VTI1A: variants seen among roughly 807,000 people sequenced by gnomAD.
VTI1A encodes vesicle transport through interaction with t-SNAREs homolog 1A.
A neutral mutation model predicts 34.9 loss-of-function variants in VTI1A; 22 were observed. The ratio of observed to expected loss-of-function variants is 0.63; its 90% confidence interval spans 0.45 to 0.90. The LOEUF (loss-of-function observed/expected upper bound fraction) is 0.90. VTI1A is among the 40% of genes least tolerant of loss of function. The probability of loss-of-function intolerance (pLI) is 0.00; values close to 1 mark genes in which losing one functional copy is unlikely to be tolerated. For synonymous variants in VTI1A, 87 were observed against 97.3 expected (o/e 0.89, Z 0.62); for missense variants, 268 against 275.6 (o/e 0.97, Z 0.20).
intron 7 of VTI1A, among the ~76,000 whole-genome samples, chr10:112,780,326 T>TAA (rs1454642478): frequency 7.1e-6 from 1 of 141,322 alleles, no homozygotes; most frequent in African/African-American, 2.6e-5. Flanking sequence ...ATAAATAAAA[T>TAA]AATAACCTAC....
rs529559007 is a variant in VTI1A at position 112,725,494 on chromosome 10, T to C, written c.560+56496T>C. ...GATTGATCAGTGGGTTCAGGTGTGG[T>C]CAGCCTTTCATCCATTATGAAGTTC... is the stretch of plus-strand genomic sequence containing the variant. On this transcript the variant is annotated intron_variant, in intron 7 of 7. Coordinates refer to ENST00000393077, the MANE Select transcript of VTI1A (RefSeq NM_145206.4). 4.6e-5 allele frequency among the ~76,000 whole-genome samples: 7 copies of C among 152,346 alleles called. No individual in the cohort carries two copies. In the South Asian group the frequency reaches 1.4e-3, roughly 32 times the overall value.
At chr10:112,718,923 A>G (rs1232978386) in intron 7 of VTI1A, among the ~76,000 whole-genome samples, 3 of 152,220 alleles carry the variant, frequency 2.0e-5, no homozygotes, top group Admixed American at 2.0e-4. Context: ...TGCTTTTCCC[A>G]ACTCAGTTAT....
chr10:112,523,598 G>T (rs774940291), intron 3 of VTI1A, among the ~76,000 whole-genome samples: 1 of 151,564 alleles, frequency 6.6e-6, no homozygotes, highest in Non-Finnish European at 1.5e-5. Flanking sequence ...GTGGCGGGGG[G>T]AGGCAAGTAT....
chr10:112,516,310 A>T (rs1396085271), intron 3 of VTI1A, among the ~76,000 whole-genome samples: 1 of 152,102 alleles, frequency 6.6e-6, no homozygotes, highest in Non-Finnish European at 1.5e-5. Context: ...CAGATATGAG[A>T]TATGCCTATA....
the VTI1A span, chr10:112,826,001 C>T: frequency 6.6e-6 from 1 of 152,280 alleles, no homozygotes; most frequent in South Asian, 2.1e-4. Flanking sequence ...AACACCATGA[C>T]AAATTGAAAG....
chr10:112,737,889 T>G (rs925397797), intron 7 of VTI1A: 2 of 1,062,588 alleles, frequency 1.9e-6, no homozygotes, highest in Non-Finnish European at 2.3e-6. Flanking sequence ...TCGATGCCTT[T>G]CAGCGAGTGT....
intron 3 of VTI1A, among the ~76,000 whole-genome samples, chr10:112,481,033 C>T (rs976809301): frequency 2.6e-5 from 4 of 152,112 alleles, no homozygotes; most frequent in Non-Finnish European, 4.4e-5. Context: ...TAGGATTAGA[C>T]GCTATTGAAA....
At chr10:112,813,014 C>G (rs905012817) in intron 7 of VTI1A, among the ~76,000 whole-genome samples, 1 of 152,246 alleles carries the variant, frequency 6.6e-6, no homozygotes, top group African/African-American at 2.4e-5. Context: ...CACGATCACT[C>G]TTTGGGCAGT....
At chr10:112,807,726 G>A (rs1334780575) in intron 7 of VTI1A, among the ~76,000 whole-genome samples, 2 of 152,074 alleles carry the variant, frequency 1.3e-5, no homozygotes, top group Admixed American at 6.5e-5. Flanking sequence ...GGTGGCACAC[G>A]CCTGTAATCA....
chr10:112,854,001 C>T, the VTI1A span, among the ~76,000 whole-genome samples: 1 of 152,146 alleles, frequency 6.6e-6, no homozygotes, highest in Non-Finnish European at 1.5e-5. Flanking sequence ...AGCAGACATC[C>T]TCAGCTCCAG....
chr10:112,828,939 C>T, the VTI1A span, among the ~76,000 whole-genome samples: 3 of 151,626 alleles, frequency 2.0e-5, no homozygotes, highest in Non-Finnish European at 4.4e-5. Flanking sequence ...AACCACAAAA[C>T]TGAGTCTCTG....
chr10:112,644,606 T>A (rs1012856411), intron 5 of VTI1A, among the ~76,000 whole-genome samples: 1 of 152,234 alleles, frequency 6.6e-6, no homozygotes, highest in Non-Finnish European at 1.5e-5. Context: ...TGTGGCATTT[T>A]AAACATAATT....
chr10:112,736,115 A>G (rs1016618183), intron 7 of VTI1A, among the ~76,000 whole-genome samples: 43 of 141,646 alleles, frequency 3.0e-4, no homozygotes, highest in African/African-American at 4.0e-4. Flanking sequence ...GTGTGTGTAT[A>G]TATATATATA....
At chr10:112,754,876 T>TG (rs1285995797) in intron 7 of VTI1A, among the ~76,000 whole-genome samples, 1 of 152,224 alleles carries the variant, frequency 6.6e-6, no homozygotes, top group South Asian at 2.1e-4. Context: ...TATTCCTCAA[T>TG]GATGACATTT....
the VTI1A span, among the ~76,000 whole-genome samples, chr10:112,842,057 T>C: frequency 2.3e-4 from 28 of 121,912 alleles, no homozygotes; most frequent in African/African-American, 3.7e-4. Context: ...TTTCCTTTTT[T>C]TTTTTTTTTT....
At chr10:112,772,529 C>T (rs570765102) in intron 7 of VTI1A, among the ~76,000 whole-genome samples, 2 of 152,316 alleles carry the variant, frequency 1.3e-5, no homozygotes, top group South Asian at 4.1e-4. Context: ...CTTTGAAACA[C>T]AAAAGTTTTT....
rs1853565379 is a variant in VTI1A at position 112,817,729 on chromosome 10, C to A, written c.*2346C>A. On this transcript the variant is annotated 3_prime_UTR_variant, in exon 8 of 8. Coordinates refer to ENST00000393077, the MANE Select transcript of VTI1A (RefSeq NM_145206.4). ...CCCTGCCCCACCAGGAAAGGAATAACGTCCACAGACTTGAAGCAGATAGTG... is the reference window on the plus strand; with the variant it reads ...CCCTGCCCCACCAGGAAAGGAATAAAGTCCACAGACTTGAAGCAGATAGTG... 1 of 229,228 alleles carries A rather than the reference C, an allele frequency of 4.4e-6. No individual in the cohort carries two copies. Among genetic ancestry groups the A allele is most frequent in the Non-Finnish European group, 8.7e-6 (1 of 115,598 alleles). 14.2% of individuals were successfully genotyped at this position (229,228 alleles called of 1,614,324 possible). A position where few individuals can be genotyped will look rare whatever the true frequency, so the allele number is the denominator to read the frequency against.
intron 5 of VTI1A, among the ~76,000 whole-genome samples, chr10:112,619,603 A>C (rs893646716): frequency 2.6e-5 from 4 of 152,156 alleles, no homozygotes; most frequent in Non-Finnish European, 2.9e-5. Context: ...TTATTTCCAA[A>C]CCATACCTAA....
At chr10:112,518,154 A>G (rs1428530519) in intron 3 of VTI1A, among the ~76,000 whole-genome samples, 1 of 152,120 alleles carries the variant, frequency 6.6e-6, no homozygotes, top group Non-Finnish European at 1.5e-5. Flanking sequence ...AATCCAGTTT[A>G]TAATAAGCTG....
Sources: allele counts gnomAD v4.1 joint callset (sites outside exome capture counted in the v4.1 genomes callset), GRCh38; gene constraint gnomAD v4.1.1; transcripts MANE v1.5; gene names NCBI Gene and HGNC (gene_info 2026-07-23, HGNC 2026-07-21).